PSG5: variants seen among roughly 807,000 people sequenced by gnomAD.
PSG5 encodes pregnancy specific beta-1-glycoprotein 5.
Under a neutral mutation model 37.7 loss-of-function variants are expected in PSG5, and 53 were observed. The observed-to-expected ratio is 1.41, with a 90% CI of 1.13 to 1.77. The LOEUF is 1.77. PSG5 is among the 40% of genes most tolerant of loss of function. The pLI is 0.00. For synonymous variants in PSG5, 221 were observed against 155.4 expected (o/e 1.42, Z -3.14); for missense variants, 547 against 405.2 (o/e 1.35, Z -3.00).
intron 4 of PSG5, among the ~76,000 whole-genome samples, chr19:43,173,541 A>G (rs1968945069): frequency 6.6e-6 from 1 of 151,684 alleles, no homozygotes; most frequent in African/African-American, 2.4e-5. Flanking sequence ...AAATGAACAA[A>G]GGATTAAAAT....
intron 2 of PSG5, among the ~76,000 whole-genome samples, chr19:43,182,178 C>T (rs1464706324): frequency 6.6e-6 from 1 of 151,672 alleles, no homozygotes; most frequent in African/African-American, 2.4e-5. Flanking sequence ...AACTAACAAC[C>T]TTACTTTGCC....
rs1599744176 is a variant in PSG5, at chr19:43,171,537, A to G, written c.965-1399T>C. 7 of 346,256 alleles carry G rather than the reference A, an allele frequency of 2.0e-5. No homozygotes were observed. The East Asian group carries it at 3.8e-4, about 19-fold the overall frequency. 21.4% of individuals were successfully genotyped at this position (346,256 alleles called of 1,614,324 possible). The stretch of plus-strand genomic sequence containing the variant: ...AATAAGGATTAGAGTGGACATAAAT[A>G]AAATGGAGAATGGAAAAAGAATAGA... On this transcript the variant is annotated intron_variant, in intron 4 of 5. Coordinates refer to ENST00000342951, the MANE Select transcript of PSG5 (RefSeq NM_002781.4).
chr19:43,170,076 A>G lies in PSG5; in HGVS notation c.*19T>C, dbSNP rs749324512. The G allele has an allele frequency of 3.8e-6, 6 of 1,565,650 alleles. No homozygotes were observed. The Middle Eastern group carries it at 8.5e-4, about 222-fold the overall frequency. On this transcript the variant is annotated 3_prime_UTR_variant, in exon 5 of 6. Coordinates refer to ENST00000342951, the MANE Select transcript of PSG5 (RefSeq NM_002781.4). ...ATACCTGCCAGTCTTCCTGAAATAC[A>G]GAAATGACTTCACGGCTGCTATATT...
Position 43,186,478 on chromosome 19 carries a change from G to T in PSG5, c.-73C>A. On this transcript the variant is annotated 5_prime_UTR_variant, in exon 1 of 6. Coordinates refer to ENST00000342951, the MANE Select transcript of PSG5 (RefSeq NM_002781.4). ...CAGAAACTTCCTGAGCACGGCTGTA[G>T]GCTGTGCTGTCCTTCCTCCTTCTGT... is the stretch of plus-strand genomic sequence containing the variant. 1.3e-6 allele frequency: 2 copies of T among 1,596,490 alleles called. No individual in the cohort carries two copies. The highest frequency in any genetic ancestry group is 1.1e-5 in the South Asian group (1 of 89,810).
intron 2 of PSG5, among the ~76,000 whole-genome samples, chr19:43,183,963 TA>T (rs1969187859): frequency 1.3e-5 from 2 of 151,658 alleles, no homozygotes; most frequent in Admixed American, 1.3e-4. Context: ...TCACCTGACC[TA>T]ATGCTTGGCA....
chr19:43,168,718 G>T (rs935653308), intron 5 of PSG5, among the ~76,000 whole-genome samples: 1 of 151,556 alleles, frequency 6.6e-6, no homozygotes, highest in Non-Finnish European at 1.5e-5. Context: ...ATTTAGAGAA[G>T]GTTTAGCCTC....
chr19:43,176,497 C>G (rs182173302), intron 2 of PSG5, among the ~76,000 whole-genome samples: 1 of 151,670 alleles, frequency 6.6e-6, no homozygotes, highest in Admixed American at 6.6e-5. Flanking sequence ...CTGGAATGTG[C>G]AACTGCTGGG....
intron 2 of PSG5, among the ~76,000 whole-genome samples, chr19:43,184,110 C>A (rs990423192): frequency 1.3e-5 from 2 of 151,792 alleles, no homozygotes; most frequent in South Asian, 4.1e-4. Flanking sequence ...GGACATTAGA[C>A]TTTCTATGGA....
At chr19:43,173,184 G>A (rs10410967) in intron 4 of PSG5, among the ~76,000 whole-genome samples, 1,882 of 151,668 alleles carry the variant, frequency 0.012, 95 homozygotes, top group African/African-American at 0.044. Flanking sequence ...CAAGAGAGTG[G>A]AACCTTTACC....
In PSG5 at chr19:43,176,950, C is replaced by T. The variant is rs994578837; in HGVS notation, c.431-802G>A. On this transcript the variant is annotated intron_variant, in intron 2 of 5. Coordinates refer to ENST00000342951, the MANE Select transcript of PSG5 (RefSeq NM_002781.4). The stretch of plus-strand genomic sequence containing the variant: ...GACCATGTGGATCTTTCCAGAAATA[C>T]ATGTGGATGTTTGCAAATGCAGAAC... Among the ~76,000 whole-genome samples the T allele has an allele frequency of 1.9e-4, 29 of 151,614 alleles. 1 individual carries two copies. The highest frequency in any genetic ancestry group is 3.4e-4 in the Non-Finnish European group (23 of 67,938).
At chr19:43,175,707 C>A in intron 3 of PSG5, 163 bp downstream of exon 3, 1 of 1,443,362 alleles carries the variant, frequency 6.9e-7, no homozygotes, top group South Asian at 1.4e-5. Context: ...CTGGTTAAGG[C>A]TGTGCCTACC....
chr19:43,185,226 G>C (rs1966907653), intron 1 of PSG5, 79 bp from the exon 2 acceptor site: 7 of 1,460,608 alleles, frequency 4.8e-6, no homozygotes, highest in East Asian at 2.3e-5. Flanking sequence ...GTCCTGAGAA[G>C]GTCTCTTCAA....
chr19:43,175,482 G>C lies in PSG5; in HGVS notation c.710-13C>G. 1 of 1,597,194 alleles carries C rather than the reference G, an allele frequency of 6.3e-7. No homozygotes were observed. Among genetic ancestry groups the C allele is most frequent in the Non-Finnish European group, 8.5e-7 (1 of 1,171,354 alleles). On this transcript the variant is annotated splice_polypyrimidine_tract_variant and intron_variant, in intron 3 of 5. Transcript: ENST00000342951. The stretch of plus-strand genomic sequence containing the variant: ...AGGTCTGGACCATCTGGAGCAAAGA[G>C]AATGAAGCCACAGGTGATGTCATCC...
chr19:43,168,376 T>A (rs8100184), intron 5 of PSG5, among the ~76,000 whole-genome samples, 173 bp from the exon 6 acceptor site: 72,047 of 149,372 alleles, frequency 0.48, 18,425 homozygotes, highest in African/African-American at 0.61. Flanking sequence ...TTTAAAAAAA[T>A]TTTTTTTTTT....
At chr19:43,176,257 T>A (rs1337622777) in intron 2 of PSG5, 109 bp from the exon 3 acceptor site, 2 of 1,518,228 alleles carry the variant, frequency 1.3e-6, no homozygotes, top group African/African-American at 2.8e-5. Flanking sequence ...CCAGAGTCCT[T>A]GAAAGCCAGT....
At chr19:43,168,963 T>C (rs2122192933) in intron 5 of PSG5, among the ~76,000 whole-genome samples, 1 of 151,700 alleles carries the variant, frequency 6.6e-6, no homozygotes, top group East Asian at 1.9e-4. Context: ...CAACAAGAGT[T>C]CTCCATCCTT....
At chr19:43,173,192 A>C (rs928686213) in intron 4 of PSG5, among the ~76,000 whole-genome samples, 5 of 151,678 alleles carry the variant, frequency 3.3e-5, no homozygotes, top group African/African-American at 1.2e-4. Flanking sequence ...TGGAACCTTT[A>C]CCTAACACCA....
intron 4 of PSG5, among the ~76,000 whole-genome samples, chr19:43,172,437 G>T (rs1000264496): frequency 2.0e-5 from 3 of 151,446 alleles, no homozygotes; most frequent in African/African-American, 7.3e-5. Flanking sequence ...TTGGAAGGAA[G>T]GAGTAAAATT....
At chr19:43,170,841 A>C (rs1968891040) in intron 4 of PSG5, 2 of 152,118 alleles carry the variant, frequency 1.3e-5, no homozygotes, top group Admixed American at 1.3e-4. Flanking sequence ...CTGATAAATT[A>C]TCTTGTATGT....
Sources: allele counts gnomAD v4.1 joint callset (sites outside exome capture counted in the v4.1 genomes callset), GRCh38; gene constraint gnomAD v4.1.1; transcripts MANE v1.5; gene names NCBI Gene and HGNC (gene_info 2026-07-23, HGNC 2026-07-21).